TRA2A: variants seen among roughly 807,000 people sequenced by gnomAD.
TRA2A encodes transformer 2 alpha homolog.
TRA2A carries 31 observed loss-of-function variants against 45.7 expected under a neutral mutation model. The observed-to-expected ratio is 0.68, with a 90% CI of 0.51 to 0.92. The LOEUF is 0.92. Among genes scored for constraint, TRA2A ranks in the 40% least tolerant of loss-of-function variants. The pLI is 0.00. For synonymous variants in TRA2A, 132 were observed against 126.2 expected (o/e 1.05, Z -0.31); for missense variants, 304 against 367.5 (o/e 0.83, Z 1.41).
chr7:23,510,626 G>C (rs1789557919), intron 4 of TRA2A, among the ~76,000 whole-genome samples: 1 of 152,160 alleles, frequency 6.6e-6, no homozygotes, highest in Non-Finnish European at 1.5e-5. Flanking sequence ...ACTGTGCCCG[G>C]CCTGCCATTT....
rs1789251169 is a variant in TRA2A, at chr7:23,505,064, CT to C, written c.*494del. 6.6e-6 allele frequency: 1 copy of C among 152,632 alleles called. No individual in the cohort carries two copies. Among genetic ancestry groups the C allele is most frequent in the African/African-American group, 2.4e-5 (1 of 41,376 alleles). 9.5% of individuals were successfully genotyped at this position (152,632 alleles called of 1,614,324 possible). ...TTACAGGAGTTCACAAGCTTTTCAT[CT>C]CTAAAAAAAAACTTTCAACTACCTG... On this transcript the variant is annotated 3_prime_UTR_variant, in exon 8 of 8. Transcript: ENST00000297071.
At chr7:23,506,952 T>G (rs1432137566) in intron 5 of TRA2A, among the ~76,000 whole-genome samples, 2 of 152,054 alleles carry the variant, frequency 1.3e-5, no homozygotes, top group Non-Finnish European at 2.9e-5. Context: ...ATTTTTTGTA[T>G]TTTTAGTAGA....
At chr7:23,509,927 A>G (rs1266871093) in intron 4 of TRA2A, among the ~76,000 whole-genome samples, 1 of 151,998 alleles carries the variant, frequency 6.6e-6, no homozygotes, top group East Asian at 1.9e-4. Flanking sequence ...TCGGGAGGCT[A>G]AGGTGGGAAG....
At chr7:23,522,307 G>T in intron 1 of TRA2A, 3 of 1,165,684 alleles carry the variant, frequency 2.6e-6, no homozygotes, top group South Asian at 1.8e-5. Context: ...CCAATCTTCT[G>T]TTCAATTTTT....
intron 1 of TRA2A, among the ~76,000 whole-genome samples, chr7:23,529,985 A>C (rs1289463250): frequency 6.6e-6 from 1 of 151,870 alleles, no homozygotes; most frequent in Non-Finnish European, 1.5e-5. Context: ...CTTGATGATA[A>C]ATTAAAAAAA....
At chr7:23,506,838 C>T (rs545061939) in intron 5 of TRA2A, among the ~76,000 whole-genome samples, 5 of 152,096 alleles carry the variant, frequency 3.3e-5, no homozygotes, top group Non-Finnish European at 5.9e-5. Context: ...TGCAGTGGTG[C>T]GATCTCGGCT....
At chr7:23,516,328 A>C in intron 3 of TRA2A, 35 bp downstream of exon 3, 1 of 1,611,154 alleles carries the variant, frequency 6.2e-7, no homozygotes, top group Non-Finnish European at 8.5e-7. Context: ...ATAAAAGAGA[A>C]AATAAGTCTT....
At chr7:23,520,683 ATTTTTTTTTTTTT>A (rs11346990) in intron 2 of TRA2A, among the ~76,000 whole-genome samples, 3 of 129,724 alleles carry the variant, frequency 2.3e-5, no homozygotes, top group Admixed American at 8.2e-5. Context: ...GCTGTTTTAA[ATTTTTTTTTTTTT>A]TTTTTTTTTT....
chr7:23,507,810 CAA>C (rs1360473456), intron 4 of TRA2A, among the ~76,000 whole-genome samples: 2 of 152,126 alleles, frequency 1.3e-5, no homozygotes, highest in African/African-American at 4.8e-5. Flanking sequence ...ATGAGATCAA[CAA>C]AGAGTAGTTA....
intron 3 of TRA2A, among the ~76,000 whole-genome samples, chr7:23,513,637 G>C (rs1789727734): frequency 6.6e-6 from 1 of 152,100 alleles, no homozygotes; most frequent in Non-Finnish European, 1.5e-5. Flanking sequence ...GTGTTGTAAA[G>C]AAATAGCACT....
At chr7:23,519,656 A>G (rs1407808515) in intron 2 of TRA2A, among the ~76,000 whole-genome samples, 1 of 152,150 alleles carries the variant, frequency 6.6e-6, no homozygotes, top group Non-Finnish European at 1.5e-5. Context: ...GTAATTCCCT[A>G]CTTGAACCAG....
chr7:23,505,273 T>C lies in TRA2A; in HGVS notation c.*286A>G, dbSNP rs1339098639. 1 of 340,070 alleles carries C rather than the reference T, an allele frequency of 2.9e-6. No individual in the cohort carries two copies. Among genetic ancestry groups the C allele is most frequent in the East Asian group, 4.3e-5 (1 of 23,070 alleles). 21.1% of individuals were successfully genotyped at this position (340,070 alleles called of 1,614,324 possible). On this transcript the variant is annotated 3_prime_UTR_variant, in exon 8 of 8. Coordinates refer to ENST00000297071, the MANE Select transcript of TRA2A (RefSeq NM_013293.5). ...CCTTATTTGATTAGCTAGAAGTTTA[T>C]CTAGGTAAAAGCAAAAAAAAAAATT...
At chr7:23,513,679 T>C (rs1346403698) in intron 3 of TRA2A, among the ~76,000 whole-genome samples, 3 of 152,110 alleles carry the variant, frequency 2.0e-5, no homozygotes, top group Non-Finnish European at 4.4e-5. Context: ...AGGCCATTTT[T>C]ATTTTCTGTA....
intron 4 of TRA2A, 74 bp from the exon 5 acceptor site, chr7:23,507,609 A>C (rs1789403368): frequency 3.8e-6 from 4 of 1,043,384 alleles, no homozygotes; most frequent in Non-Finnish European, 6.0e-6. Context: ...AATTAAGCAC[A>C]AAGTATATGT....
Position 23,521,742 on chromosome 7 carries a change from G to A in TRA2A, c.135C>T (p.His45=). 5 of 1,614,122 alleles carry A rather than the reference G, an allele frequency of 3.1e-6. No homozygotes were observed. The Middle Eastern group carries it at 4.9e-4, about 160-fold the overall frequency. Residue 45 remains histidine (H), a synonymous_variant, in exon 2 of 8, where the codon CAC becomes CAT. Coordinates refer to ENST00000297071, the MANE Select transcript of TRA2A (RefSeq NM_013293.5). ...GSRSPSRVSK[H]SESHSRSRSK... is the part of the protein sequence containing the mutation. ...ATCTTGATCGAGAATGGGATTCAGA[G>A]TGTTTGGAAACCCTTGATGGACTAC... is the stretch of plus-strand genomic sequence containing the variant.
chr7:23,527,320 A>G (rs1428497999), intron 1 of TRA2A, among the ~76,000 whole-genome samples: 1 of 152,148 alleles, frequency 6.6e-6, no homozygotes, highest in Non-Finnish European at 1.5e-5. Context: ...AAGGGAAACC[A>G]TATTTCCCTT....
At chr7:23,510,327 T>C (rs79155041) in intron 4 of TRA2A, among the ~76,000 whole-genome samples, 2,499 of 152,274 alleles carry the variant, frequency 0.016, 78 homozygotes, top group African/African-American at 0.057. Context: ...GTTAAGCTTT[T>C]TTTTCTTTTC....
intron 3 of TRA2A, among the ~76,000 whole-genome samples, chr7:23,514,762 A>G (rs145181616): frequency 1.0e-3 from 158 of 152,230 alleles, no homozygotes; most frequent in African/African-American, 3.6e-3. Context: ...TGCCTGGCCC[A>G]TTTTCATTCT....
chr7:23,505,409 A>G lies in TRA2A; in HGVS notation c.*150T>C, dbSNP rs1430501703. The G allele has an allele frequency of 1.8e-5, 9 of 491,978 alleles. No homozygotes were observed. Among genetic ancestry groups the G allele is most frequent in the Admixed American group, 1.1e-4 (3 of 26,392 alleles). 30.5% of individuals were successfully genotyped at this position (491,978 alleles called of 1,614,324 possible). On this transcript the variant is annotated 3_prime_UTR_variant, in exon 8 of 8. Coordinates refer to ENST00000297071, the MANE Select transcript of TRA2A (RefSeq NM_013293.5). ...TATAATAAAATGGGTGGAAAACAGC[A>G]ACACAACTGACAAAAGTGTAGATGC...
Sources: gnomAD v4.1 joint callset for allele counts (sites outside exome capture counted in the v4.1 genomes callset) on GRCh38, gnomAD v4.1.1 for gene constraint, MANE v1.5 for transcripts, NCBI Gene and HGNC (gene_info 2026-07-23, HGNC 2026-07-21) for gene names.